Variants in TMC2 observed in about 807,000 individuals in gnomAD.
TMC2 encodes the protein transmembrane channel like 2.
In TMC2, 102 loss-of-function variants were observed where a neutral mutation model predicts 105.9. That is an observed-to-expected ratio of 0.96 (90% CI 0.82 to 1.14). The LOEUF is 1.14. Among genes scored for constraint, TMC2 ranks in the 50% most tolerant of loss-of-function variants. The probability of loss-of-function intolerance (pLI) is 0.00; values close to 1 mark genes in which losing one functional copy is unlikely to be tolerated. For synonymous variants in TMC2, 402 were observed against 422.8 expected, an observed-to-expected ratio of 0.95 and a Z score of 0.60; for missense variants, 1,093 against 1,134.3, an observed-to-expected ratio of 0.96 and a Z score of 0.52.
chr20:2,558,708 C>T lies in TMC2; in HGVS notation c.335C>T (p.Ala112Val). 4 of 1,604,330 alleles carry T rather than the reference C, an allele frequency of 2.5e-6. No homozygotes were observed. The highest frequency in any genetic ancestry group is 1.7e-4 in the Middle Eastern group (1 of 6,020). The change falls in exon 3 of 20, where the codon GCA becomes GTA. Residue 112 changes from alanine to valine, a missense_variant. Coordinates refer to ENST00000358864, the MANE Select transcript of TMC2 (RefSeq NM_080751.3). The surrounding 1 kb of genome is among the most constrained non-coding windows in gnomAD (Gnocchi z 4.6). ...AGGGCCTCCTTCCAGGAGCGGACAG[C>T]AGCCCCAAAGAGGGAAAAGGAGATT... is the stretch of plus-strand genomic sequence containing the variant. ...DERASFQERT[A>V]APKREKEIPR...
chr20:2,562,612 A>G (rs1218512883), intron 4 of TMC2, among the ~76,000 whole-genome samples: 1 of 152,202 alleles, frequency 6.6e-6, no homozygotes, highest in Non-Finnish European at 1.5e-5. Flanking sequence ...GTTTCCATGC[A>G]AAAGGCTGAT....
In TMC2 at chr20:2,616,225, G is replaced by A. The variant is rs376591865; in HGVS notation, c.1940+21G>A. On this transcript the variant is annotated intron_variant, in intron 15 of 19. Coordinates refer to ENST00000358864, the MANE Select transcript of TMC2 (RefSeq NM_080751.3). The surrounding 1 kb of genome is among the most constrained non-coding windows in gnomAD (Gnocchi z 4.8). ...ATCTGGTGAGTTATCCATTTCATCT[G>A]GTGATCGCCTCATCCAAGGAGTCAA... 6.2e-7 allele frequency: 1 copy of A among 1,601,364 alleles called. No individual in the cohort carries two copies. Among genetic ancestry groups the A allele is most frequent in the Non-Finnish European group, 8.6e-7 (1 of 1,168,508 alleles).
chr20:2,572,248 C>T lies in TMC2; in HGVS notation c.624C>T (p.Ala208=). The change falls in exon 5 of 20, where the codon GCC becomes GCT. Residue 208 remains alanine (A), a synonymous_variant. Transcript: ENST00000358864. The part of the protein sequence containing the change: ...LGKGKGKQLY[A]YKMLMAKKWV... ...AGGGGAAAGGCAAGCAACTATATGC[C>T]TACAAGATGCTGATGGCCAAGGTGT... The T allele has an allele frequency of 1.2e-6, 2 of 1,613,160 alleles. No homozygotes were observed. The highest frequency in any genetic ancestry group is 1.3e-5 in the African/African-American group (1 of 74,856).
intron 16 of TMC2, chr20:2,617,792 C>A (rs2086496046): frequency 6.2e-6 from 1 of 161,004 alleles, no homozygotes; most frequent in African/African-American, 2.4e-5. Flanking sequence ...CTTACTGCAA[C>A]CTCTGCCTGC....
chr20:2,569,742 G>T (rs531550781), intron 4 of TMC2, among the ~76,000 whole-genome samples: 1 of 152,068 alleles, frequency 6.6e-6, no homozygotes, highest in African/African-American at 2.4e-5. Context: ...CTCTGTTCAG[G>T]GTCTCATCAC....
intron 11 of TMC2, among the ~76,000 whole-genome samples, chr20:2,602,967 A>T (rs1404547369): frequency 6.6e-6 from 1 of 152,248 alleles, no homozygotes; most frequent in Non-Finnish European, 1.5e-5. Context: ...GGTTTAGCCA[A>T]TGGAACAATA....
rs554956281 is a variant in TMC2 at position 2,597,937 on chromosome 20, A to T, written c.1224+639A>T. ...TTCTCAACTTTTTCTGCATACTAGA[A>T]TCACCTGAGGAGCTTAAAAGATCTC... On this transcript the variant is annotated intron_variant, in intron 10 of 19. Transcript: ENST00000358864. Among the ~76,000 whole-genome samples the T allele has an allele frequency of 1.3e-5, 2 of 152,280 alleles. 1 individual carries two copies. The highest frequency in any genetic ancestry group is 1.3e-4 in the Admixed American group (2 of 15,302).
At chr20:2,573,051 C>T (rs989755474) in intron 5 of TMC2, among the ~76,000 whole-genome samples, 3 of 151,874 alleles carry the variant, frequency 2.0e-5, no homozygotes, top group Admixed American at 6.6e-5. Context: ...GAACTCCTGG[C>T]CTCAAGAGAT....
At chr20:2,595,108 A>C (rs2086296253) in intron 9 of TMC2, 141 bp downstream of exon 9, 1 of 976,812 alleles carries the variant, frequency 1.0e-6, no homozygotes, top group Admixed American at 2.5e-5. Flanking sequence ...GCACATTATA[A>C]TTTGTGGTAT....
chr20:2,541,247 CT>C (rs1185416514), intron 2 of TMC2, among the ~76,000 whole-genome samples: 1 of 152,140 alleles, frequency 6.6e-6, no homozygotes, highest in Non-Finnish European at 1.5e-5. Flanking sequence ...TATTCTATTA[CT>C]GAATATTTAG....
At position 2,597,266 on chromosome 20, in the gene TMC2, A is replaced by G. The variant is rs1600120736; in HGVS notation, c.1192A>G (p.Asn398Asp). The G allele has an allele frequency of 6.2e-7, 1 of 1,614,050 alleles. No individual in the cohort carries two copies. Among genetic ancestry groups the G allele is most frequent in the African/African-American group, 1.3e-5 (1 of 75,018 alleles). ...YLIGNSETADNKYASITTSFK... is the reference protein window; with the variant it reads ...YLIGNSETADDKYASITTSFK... ...GATCGGGAATTCAGAGACAGCTGAT[A>G]ACAAATATGCATCCATCACCACCAG... Residue 398 changes from asparagine (N) to aspartate (D), a missense_variant, in exon 10 of 20, where the codon AAC becomes GAC. Coordinates refer to ENST00000358864, the MANE Select transcript of TMC2 (RefSeq NM_080751.3).
intron 19 of TMC2, among the ~76,000 whole-genome samples, chr20:2,640,651 G>GC (rs1204731073): frequency 1.3e-5 from 2 of 152,158 alleles, no homozygotes; most frequent in Non-Finnish European, 2.9e-5. Context: ...GGGAACCAGA[G>GC]CCCATTTCTG....
chr20:2,621,175 A>G (rs2086521977), intron 16 of TMC2, among the ~76,000 whole-genome samples: 1 of 152,094 alleles, frequency 6.6e-6, no homozygotes, highest in South Asian at 2.1e-4. Context: ...AGCCTGGCCA[A>G]CATGGTGAAA....
At chr20:2,579,071 G>A (rs185188341) in intron 5 of TMC2, 75 bp from the exon 6 acceptor site, 52 of 809,936 alleles carry the variant, frequency 6.4e-5, no homozygotes, top group East Asian at 6.3e-4. Flanking sequence ...CGGCCTCCTC[G>A]TGCCCCTCAT....
chr20:2,608,836 T>G (rs1719077073), intron 11 of TMC2, among the ~76,000 whole-genome samples: 1 of 152,238 alleles, frequency 6.6e-6, no homozygotes, highest in African/African-American at 2.4e-5. Context: ...ATGATTAACT[T>G]ATTATGGAAT....
intron 19 of TMC2, among the ~76,000 whole-genome samples, chr20:2,638,265 C>G (rs1374551230): frequency 6.6e-6 from 1 of 150,950 alleles, no homozygotes; most frequent in East Asian, 1.9e-4. Flanking sequence ...GGTGTGAACC[C>G]GGGAGGCGGA....
chr20:2,614,000 C>A (rs1015623487), intron 14 of TMC2: 1 of 152,410 alleles, frequency 6.6e-6, no homozygotes, highest in Non-Finnish European at 1.5e-5. Flanking sequence ...CCTATGTATC[C>A]CTCATCCTGG....
intron 3 of TMC2, among the ~76,000 whole-genome samples, chr20:2,559,963 A>C (rs2086013787): frequency 6.6e-6 from 1 of 152,198 alleles, no homozygotes; most frequent in African/African-American, 2.4e-5. Context: ...AGATGAAAAC[A>C]TTCAGTTCCC....
chr20:2,621,529 C>T lies in TMC2; in HGVS notation c.2181-2742C>T, dbSNP rs970467899. ...ACTAAAAATACAAAAACTAGCCAGGCGTGGTGGCAAGTGCCTATAATTCCA... is the reference window on the plus strand; with the variant it reads ...ACTAAAAATACAAAAACTAGCCAGGTGTGGTGGCAAGTGCCTATAATTCCA... On this transcript the variant is annotated intron_variant, in intron 16 of 19. Transcript: ENST00000358864. 4.1e-5 allele frequency among the ~76,000 whole-genome samples: 6 copies of T among 147,038 alleles called. No homozygotes were observed. The South Asian group carries it at 8.7e-4, about 21-fold the overall frequency.
Sources: allele counts gnomAD v4.1 joint callset (sites outside exome capture counted in the v4.1 genomes callset), GRCh38; gene constraint gnomAD v4.1.1; non-coding constraint Gnocchi (gnomAD v3.1); transcripts MANE v1.5; gene names NCBI Gene and HGNC (gene_info 2026-07-23, HGNC 2026-07-21).